The following CCZ1 variants were observed in gnomAD, a reference collection of about 807,000 sequenced individuals.
CCZ1 encodes vacuolar fusion protein CCZ1 homolog.
Under a neutral mutation model 57.8 loss-of-function variants are expected in CCZ1, and 19 were observed. That is an observed-to-expected ratio of 0.33 (90% confidence interval 0.23 to 0.48). The LOEUF is 0.48. Among genes scored for constraint, CCZ1 ranks in the 20% least tolerant of loss-of-function variants. The probability of loss-of-function intolerance (pLI) is 0.99; values close to 1 mark genes in which losing one functional copy is unlikely to be tolerated. For synonymous variants in CCZ1, 81 were observed against 167.0 expected, an observed-to-expected ratio of 0.49 and a Z score of 3.97; for missense variants, 200 against 492.0, an observed-to-expected ratio of 0.41 and a Z score of 5.61.
intron 12 of CCZ1, among the ~76,000 whole-genome samples, chr7:5,920,458 C>G (rs1779216940): frequency 1.2e-5 from 1 of 85,914 alleles, no homozygotes; most frequent in Non-Finnish European, 2.3e-5. Context: ...TCCTTGAATT[C>G]TTTCTCCCTG....
At chr7:5,908,335 C>T (rs1781883395) in intron 7 of CCZ1, among the ~76,000 whole-genome samples, 2 of 122,060 alleles carry the variant, frequency 1.6e-5, no homozygotes, top group Non-Finnish European at 3.6e-5. Context: ...TTGTCACAAG[C>T]AGAGTATATA....
chr7:5,900,765 G>A, intron 3 of CCZ1, 90 bp from the exon 4 acceptor site: 1 of 1,581,048 alleles, frequency 6.3e-7, no homozygotes, highest in Non-Finnish European at 8.6e-7. Flanking sequence ...TGTTTCTGAT[G>A]CTGTAGCATG....
chr7:5,911,161 C>G (rs1421529417), intron 8 of CCZ1, among the ~76,000 whole-genome samples: 1 of 149,188 alleles, frequency 6.7e-6, no homozygotes, highest in African/African-American at 2.5e-5. Flanking sequence ...GTTTTAGTGC[C>G]TACCCGGCTT....
chr7:5,906,800 A>G (rs533492610), intron 7 of CCZ1, among the ~76,000 whole-genome samples: 4 of 151,106 alleles, frequency 2.6e-5, no homozygotes, highest in Admixed American at 6.6e-5. Flanking sequence ...TTAATAAACA[A>G]CTTGGTGGGT....
At chr7:5,899,162 G>A (rs1426259423) in intron 1 of CCZ1, among the ~76,000 whole-genome samples, 1 of 87,488 alleles carries the variant, frequency 1.1e-5, no homozygotes, top group African/African-American at 4.5e-5. Flanking sequence ...TTTGCGCTTT[G>A]CTTTGCGTCA....
Position 5,909,697 on chromosome 7 carries a change from C to CA in CCZ1, c.699-327dup, listed in dbSNP as rs147891550. On this transcript the variant is annotated intron_variant, in intron 7 of 14. Transcript: ENST00000325974. ...TGGGTGACAGAGCAAGACCTTGTCT[C>CA]AAAAAAAAAAAGAAAAAAAAATTTT... Among the ~76,000 whole-genome samples the CA allele has an allele frequency of 1.3e-3, 173 of 128,338 alleles. 6 individuals are homozygous for CA. The Middle Eastern group carries it at 0.016, about 12-fold the overall frequency. 84.2% of individuals were successfully genotyped at this position (128,338 alleles called of 152,430 possible). A position where few individuals can be genotyped will look rare whatever the true frequency, so the allele number is the denominator to read the frequency against.
intron 12 of CCZ1, among the ~76,000 whole-genome samples, chr7:5,923,113 TCG>T (rs1779278648): frequency 6.2e-5 from 7 of 113,346 alleles, no homozygotes; most frequent in African/African-American, 1.9e-4. Flanking sequence ...GGTCAGGAGA[TCG>T]AGACCATCCT....
chr7:5,900,126 A>G (rs1221171657), intron 1 of CCZ1, among the ~76,000 whole-genome samples, 158 bp from the exon 2 acceptor site: 2 of 151,218 alleles, frequency 1.3e-5, no homozygotes, highest in African/African-American at 4.9e-5. Flanking sequence ...AGCCTCTGAA[A>G]ATACTAGGAT....
chr7:5,912,707 T>G, intron 9 of CCZ1, 136 bp from the exon 10 acceptor site: 1 of 1,019,258 alleles, frequency 9.8e-7, no homozygotes, highest in South Asian at 1.3e-5. Context: ...GCCAGCATAT[T>G]CTGATATGGT....
At chr7:5,916,549 C>T (rs1779152083) in intron 10 of CCZ1, among the ~76,000 whole-genome samples, 1 of 142,118 alleles carries the variant, frequency 7.0e-6, no homozygotes. Flanking sequence ...TGGAGTCCCA[C>T]TCTGGTGTGA....
intron 8 of CCZ1, among the ~76,000 whole-genome samples, chr7:5,910,493 A>C (rs1410685512): frequency 6.8e-6 from 1 of 146,710 alleles, no homozygotes; most frequent in Admixed American, 6.8e-5. Context: ...CGCCCAGCTA[A>C]TTTTTTTGTA....
At chr7:5,907,889 G>T (rs1411334848) in intron 7 of CCZ1, among the ~76,000 whole-genome samples, 2 of 128,286 alleles carry the variant, frequency 1.6e-5, no homozygotes, top group African/African-American at 6.0e-5. Context: ...TTGAGACCAG[G>T]AGTTCAAGAC....
In CCZ1 at chr7:5,905,203, A is replaced by G. The variant is rs2128611204; in HGVS notation, c.632A>G (p.Asn211Ser). 5 of 1,566,584 alleles carry G rather than the reference A, an allele frequency of 3.2e-6. 1 individual carries two copies. In the African/African-American group the frequency reaches 7.3e-5, roughly 23 times the overall value. Residue 211 changes from asparagine to serine, a missense_variant, in exon 7 of 15, where the codon AAT (asparagine) becomes AGT (serine). Physicochemically the swap from Asn to Ser is conservative, Grantham distance 46. Around this residue, in one of 5 missense-constraint regions of CCZ1, gnomAD observed 128 missense variants for 178.4 expected, o/e 0.72. Coordinates refer to ENST00000325974, the MANE Select transcript of CCZ1 (RefSeq NM_015622.6). Reference sequence around the variant, plus strand: ...TATTTGAAAATCCAGTCCTTTATTAATAGAATGGAGGAAAGCCTGAATATA... The same window carrying G: ...TATTTGAAAATCCAGTCCTTTATTAGTAGAATGGAGGAAAGCCTGAATATA... ...MTYLKIQSFI[N>S]RMEESLNIVK...
intron 7 of CCZ1, among the ~76,000 whole-genome samples, chr7:5,907,996 G>C (rs1189117434): frequency 2.1e-5 from 3 of 142,566 alleles, no homozygotes; most frequent in Admixed American, 6.9e-5. Context: ...CAACTACAGA[G>C]ACTACAGAGG....
At chr7:5,912,493 A>G (rs139206979) in intron 9 of CCZ1, among the ~76,000 whole-genome samples, 36 of 134,308 alleles carry the variant, frequency 2.7e-4, no homozygotes, top group East Asian at 2.0e-3. Context: ...TCCATCTCCT[A>G]GGTTCAAGCA....
intron 7 of CCZ1, among the ~76,000 whole-genome samples, 153 bp from the exon 8 acceptor site, chr7:5,909,882 T>C (rs1249329892): frequency 6.6e-6 from 1 of 151,642 alleles, no homozygotes; most frequent in African/African-American, 2.4e-5. Flanking sequence ...GCTTTGAGTT[T>C]TAAGTAGCTT....
At chr7:5,914,473 A>C (rs3963508) in intron 10 of CCZ1, among the ~76,000 whole-genome samples, 43,762 of 147,214 alleles carry the variant, frequency 0.3, 7,787 homozygotes, top group East Asian at 0.75. Flanking sequence ...CATATCCAGC[A>C]CCAGACATTA....
At chr7:5,906,145 C>T (rs1422350482) in intron 7 of CCZ1, among the ~76,000 whole-genome samples, 1 of 147,462 alleles carries the variant, frequency 6.8e-6, no homozygotes, top group Non-Finnish European at 1.5e-5. Context: ...TTGTGTCCTG[C>T]AGTAGGAACA....
At chr7:5,901,468 G>C (rs1249453618) in intron 4 of CCZ1, 189 bp from the exon 5 acceptor site, 2 of 958,422 alleles carry the variant, frequency 2.1e-6, no homozygotes, top group Non-Finnish European at 2.8e-6. Flanking sequence ...CTGGACAACA[G>C]AGCGAGACTC....
Sources: allele counts gnomAD v4.1 joint callset (sites outside exome capture counted in the v4.1 genomes callset), GRCh38; gene constraint gnomAD v4.1.1; regional missense constraint gnomAD v4.1.1; transcripts MANE v1.5; gene names NCBI Gene and HGNC (gene_info 2026-07-23, HGNC 2026-07-21).